Variants in FAM193B observed in about 807,000 individuals in gnomAD.
FAM193B encodes the protein protein FAM193B.
FAM193B carries 27 observed loss-of-function variants against 70.7 expected under a neutral mutation model. The ratio of observed to expected loss-of-function variants is 0.38; its 90% CI spans 0.28 to 0.53. FAM193B has a LOEUF of 0.53. Ranked by LOEUF, FAM193B falls within the 20% of genes least tolerant of loss-of-function variation. The probability of loss-of-function intolerance (pLI) is 0.81; values close to 1 mark genes in which losing one functional copy is unlikely to be tolerated. For missense variants in FAM193B, 1,022 were observed against 1,072.5 expected, an observed-to-expected ratio of 0.95 and a Z score of 0.66; for synonymous variants, 448 against 436.0, an observed-to-expected ratio of 1.03 and a Z score of -0.34.
At chr5:177,529,693 T>C (rs1410809964) in intron 5 of FAM193B, among the ~76,000 whole-genome samples, 1 of 152,132 alleles carries the variant, frequency 6.6e-6, no homozygotes, top group Non-Finnish European at 1.5e-5. Flanking sequence ...AAGATAGCAT[T>C]ATCAGTAAAG....
At chr5:177,527,755 G>C (rs1048578322) in intron 5 of FAM193B, among the ~76,000 whole-genome samples, 3 of 152,218 alleles carry the variant, frequency 2.0e-5, no homozygotes, top group African/African-American at 7.2e-5. Context: ...TGCTATTCCA[G>C]GTCACTATGA....
chr5:177,524,508 C>A lies in FAM193B; in HGVS notation c.1973G>T (p.Ser658Ile). The change falls in exon 6 of 9, where the codon AGC becomes ATC. Residue 658 changes from serine (S) to isoleucine (I), a missense_variant. By Grantham distance (142) the Ser-to-Ile change is moderately radical. Coordinates refer to ENST00000514747, the MANE Select transcript of FAM193B (RefSeq NM_001190946.3). ...EASPAPRPPA[S>I]LEVPSAKGQV... ...GCCCTTGGCACTGGGAACCTCTAGG[C>A]TGGCTGGGGGCCGGGGGGCTGGGCT... 2 of 1,612,956 alleles carry A rather than the reference C, an allele frequency of 1.2e-6. No homozygotes were observed. The highest frequency in any genetic ancestry group is 2.7e-5 in the African/African-American group (2 of 75,054).
chr5:177,523,464 T>G (rs1762089097), intron 7 of FAM193B, among the ~76,000 whole-genome samples: 1 of 152,214 alleles, frequency 6.6e-6, no homozygotes. Flanking sequence ...TTGGCATGAA[T>G]ACCTTTTCAT....
intron 1 of FAM193B, among the ~76,000 whole-genome samples, chr5:177,544,224 G>A (rs1765163531): frequency 1.3e-5 from 2 of 152,206 alleles, no homozygotes. Flanking sequence ...GGCCAAGTGA[G>A]CTCTAGGTGC....
At chr5:177,554,190 C>T in intron 1 of FAM193B, 59 bp downstream of exon 1, 3 of 1,477,836 alleles carry the variant, frequency 2.0e-6, no homozygotes, top group Non-Finnish European at 2.7e-6. Context: ...CCCACTCCCG[C>T]TCCCGCTCGG....
Position 177,543,660 on chromosome 5 carries a change from T to C in FAM193B, c.211-4513A>G, listed in dbSNP as rs568864633. 2.6e-5 allele frequency among the ~76,000 whole-genome samples: 4 copies of C among 152,368 alleles called. No individual in the cohort carries two copies. The South Asian group carries it at 8.3e-4, about 32-fold the overall frequency. ...AGAATCCCAAGCCCTAGAGATGTTA[T>C]ATTTATAGTCAGTAATGCCACTGGT... On this transcript the variant is annotated intron_variant, in intron 1 of 8. Coordinates refer to ENST00000514747, the MANE Select transcript of FAM193B (RefSeq NM_001190946.3).
At chr5:177,526,895 C>G (rs762925696) in intron 5 of FAM193B, among the ~76,000 whole-genome samples, 1 of 152,208 alleles carries the variant, frequency 6.6e-6, no homozygotes, top group African/African-American at 2.4e-5. Flanking sequence ...GTTTAGCGTA[C>G]GTGAGACATT....
At chr5:177,543,671 A>T (rs1765108447) in intron 1 of FAM193B, among the ~76,000 whole-genome samples, 1 of 152,258 alleles carries the variant, frequency 6.6e-6, no homozygotes, top group Non-Finnish European at 1.5e-5. Flanking sequence ...ATTTATAGTC[A>T]GTAATGCCAC....
chr5:177,524,929 A>C lies in FAM193B; in HGVS notation c.1552T>G (p.Ser518Ala). Residue 518 changes from serine (S) to alanine (A), a missense_variant, in exon 6 of 9, where the codon TCA (serine) becomes GCA (alanine). Physicochemically the swap from Ser to Ala is moderately conservative, Grantham distance 99. Transcript: ENST00000514747. ...AEPEPQSLPPSNLSGSSEQQP... is the reference protein window; with the variant it reads ...AEPEPQSLPPANLSGSSEQQP... ...TGCTCTGAGGAGCCACTGAGGTTTG[A>C]GGGGGGTAGACTCTGAGGCTCAGGC... 1 of 1,506,538 alleles carries C rather than the reference A, an allele frequency of 6.6e-7. No homozygotes were observed. The highest frequency in any genetic ancestry group is 8.9e-7 in the Non-Finnish European group (1 of 1,129,344). 93.3% of individuals were successfully genotyped at this position (1,506,538 alleles called of 1,614,324 possible).
chr5:177,548,807 T>C (rs1486490744), intron 1 of FAM193B, among the ~76,000 whole-genome samples: 1 of 152,220 alleles, frequency 6.6e-6, no homozygotes, highest in African/African-American at 2.4e-5. Flanking sequence ...CATCACGTTC[T>C]CTTTCCTGCT....
intron 1 of FAM193B, among the ~76,000 whole-genome samples, chr5:177,544,955 A>C (rs1300416114): frequency 6.6e-6 from 1 of 152,242 alleles, no homozygotes. Context: ...TGTATTGCAA[A>C]AGACTGAATA....
rs1161105269 is a variant in FAM193B, at chr5:177,520,153, G to A, written c.*30C>T. On this transcript the variant is annotated 3_prime_UTR_variant, in exon 9 of 9. Transcript: ENST00000514747. ...CAGCTGGCAGTCAGGGCCTCAGGAC[G>A]CCCTGAAGCAGCTCAGCCTGGGCAG... The A allele has an allele frequency of 6.6e-6, 1 of 152,362 alleles. No individual in the cohort carries two copies. The highest frequency in any genetic ancestry group is 1.5e-5 in the Non-Finnish European group (1 of 68,162). 9.4% of individuals were successfully genotyped at this position (152,362 alleles called of 1,614,324 possible). A position where few individuals can be genotyped will look rare whatever the true frequency, so the allele number is the denominator to read the frequency against.
Position 177,525,087 on chromosome 5 carries a change from T to C in FAM193B, c.1394A>G (p.Asp465Gly). The change falls in exon 6 of 9, where the codon GAT becomes GGT. Residue 465 changes from aspartate (D) to glycine (G), a missense_variant. Transcript: ENST00000514747. ...GCTGCTCAGGAAGCTGTTGACCCGATCCAGTTCCCGGTCGGGCCACTCCAA... is the reference window on the plus strand; with the variant it reads ...GCTGCTCAGGAAGCTGTTGACCCGACCCAGTTCCCGGTCGGGCCACTCCAA... ...RLLEWPDREL[D>G]RVNSFLSSRL... 4 of 1,594,818 alleles carry C rather than the reference T, an allele frequency of 2.5e-6. No individual in the cohort carries two copies. The highest frequency in any genetic ancestry group is 3.4e-6 in the Non-Finnish European group (4 of 1,171,524).
chr5:177,524,654 G>T lies in FAM193B; in HGVS notation c.1827C>A (p.Ser609=). 1 of 1,612,516 alleles carries T rather than the reference G, an allele frequency of 6.2e-7. No homozygotes were observed. The highest frequency in any genetic ancestry group is 8.5e-7 in the Non-Finnish European group (1 of 1,179,450). The part of the protein sequence containing the change: ...VKTPKPGYPS[S]EEPSSKEVPS... ...GAACTTCCTTTGAGCTTGGCTCCTC[G>T]GAGCTGGGGTAGCCCGGCTTGGGTG... Residue 609 remains serine, a synonymous_variant, in exon 6 of 9, where the codon TCC becomes TCA. Transcript: ENST00000514747.
chr5:177,540,636 T>C (rs1036813890), intron 1 of FAM193B, among the ~76,000 whole-genome samples: 4 of 152,210 alleles, frequency 2.6e-5, no homozygotes, highest in African/African-American at 9.7e-5. Flanking sequence ...TGTGAGAGAC[T>C]TGTGGAGAAA....
In FAM193B at chr5:177,532,035, G is replaced by A. The variant is rs1420094505; in HGVS notation, c.1275+408C>T. 2.3e-6 allele frequency: 3 copies of A among 1,292,832 alleles called. No homozygotes were observed. Among genetic ancestry groups the A allele is most frequent in the Non-Finnish European group, 3.0e-6 (3 of 991,272 alleles). The allele number at this position is 1,292,832 out of a possible 1,614,324, so 80.1% of individuals were successfully genotyped here. On this transcript the variant is annotated intron_variant, in intron 5 of 8. Coordinates refer to ENST00000514747, the MANE Select transcript of FAM193B (RefSeq NM_001190946.3). This position sits in a 1 kb window ranked among gnomAD's most constrained non-coding sequence, Gnocchi z 4.9. ...CTGAGCCTCCTTCCTGGCGCCGTCT[G>A]TGCTCACGGCCTGTCCCTCGGCTGG...
rs1762271492 is a variant in FAM193B, at chr5:177,524,437, T to G, written c.2044A>C (p.Lys682Gln). 3 of 1,607,282 alleles carry G rather than the reference T, an allele frequency of 1.9e-6. No homozygotes were observed. Among genetic ancestry groups the G allele is most frequent in the African/African-American group, 1.3e-5 (1 of 74,762 alleles). Residue 682 changes from lysine to glutamine, a missense_variant, in exon 6 of 9, where the codon AAA (lysine) becomes CAA (glutamine). Physicochemically the swap from Lys to Gln is moderately conservative, Grantham distance 53. Coordinates refer to ENST00000514747, the MANE Select transcript of FAM193B (RefSeq NM_001190946.3). ...KQPGRVLELPKVGSCAEAGEG... is the reference protein window; with the variant it reads ...KQPGRVLELPQVGSCAEAGEG... ...CCAGCCTCAGCACAGCTGCCTACTT[T>G]GGGAAGCTCTAGGACCCTGCCTGGC...
chr5:177,538,439 T>A lies in FAM193B; in HGVS notation c.454-332A>T, dbSNP rs748589337. Reference sequence around the variant, plus strand: ...TTGACCAGGAGTCCTGAAGCTAAACTGTTCCTGGGTAAAAGGGAAGATCTG... The same window carrying A: ...TTGACCAGGAGTCCTGAAGCTAAACAGTTCCTGGGTAAAAGGGAAGATCTG... On this transcript the variant is annotated intron_variant, in intron 2 of 8. Coordinates refer to ENST00000514747, the MANE Select transcript of FAM193B (RefSeq NM_001190946.3). This position sits in a 1 kb window ranked among gnomAD's most constrained non-coding sequence, Gnocchi z 4.1. 6.6e-6 allele frequency among the ~76,000 whole-genome samples: 1 copy of A among 152,148 alleles called. No homozygotes were observed. Among genetic ancestry groups the A allele is most frequent in the Non-Finnish European group, 1.5e-5 (1 of 68,010 alleles).
chr5:177,541,014 A>G (rs1764786808), intron 1 of FAM193B, among the ~76,000 whole-genome samples: 1 of 152,260 alleles, frequency 6.6e-6, no homozygotes, highest in Admixed American at 6.5e-5. Flanking sequence ...GGAACCAAAC[A>G]GTAGTACCAG....
Sources: allele counts gnomAD v4.1 joint callset (sites outside exome capture counted in the v4.1 genomes callset), GRCh38; gene constraint gnomAD v4.1.1; non-coding constraint Gnocchi (gnomAD v3.1); transcripts MANE v1.5; gene names NCBI Gene and HGNC (gene_info 2026-07-23, HGNC 2026-07-21).